The following ZHX2 variants were observed in gnomAD, a reference collection of about 807,000 sequenced individuals.
ZHX2 encodes zinc fingers and homeoboxes 2.
In ZHX2, 6 loss-of-function variants were observed where a neutral mutation model predicts 21.9. The ratio of observed to expected loss-of-function variants is 0.27; its 90% CI spans 0.15 to 0.54. The LOEUF (loss-of-function observed/expected upper bound fraction) is 0.54. ZHX2 is among the 20% of genes least tolerant of loss of function. ZHX2 has a pLI of 0.95. For synonymous variants in ZHX2, 434 were observed against 437.1 expected, an observed-to-expected ratio of 0.99 and a Z score of 0.09; for missense variants, 908 against 1,090.7, an observed-to-expected ratio of 0.83 and a Z score of 2.36.
At chr8:122,875,620 T>C (rs1441490685) in intron 2 of ZHX2, among the ~76,000 whole-genome samples, 1 of 152,216 alleles carries the variant, frequency 6.6e-6, no homozygotes, top group Non-Finnish European at 1.5e-5. Context: ...ACGTGGTAGT[T>C]GGAATTTACT....
At chr8:122,819,767 C>T (rs1338315233) in intron 1 of ZHX2, among the ~76,000 whole-genome samples, 1 of 152,260 alleles carries the variant, frequency 6.6e-6, no homozygotes, top group Non-Finnish European at 1.5e-5. Flanking sequence ...CAGGCCCTTC[C>T]TTTGCCTCCA....
intron 2 of ZHX2, among the ~76,000 whole-genome samples, chr8:122,879,972 CTTTTT>C (rs35351207): frequency 7.9e-6 from 1 of 126,404 alleles, no homozygotes; most frequent in Non-Finnish European, 1.6e-5. Flanking sequence ...CTATTGTTAC[CTTTTT>C]TTTTTTTTTT....
At chr8:122,927,066 C>T (rs1356173686) in intron 2 of ZHX2, among the ~76,000 whole-genome samples, 1 of 152,186 alleles carries the variant, frequency 6.6e-6, no homozygotes, top group Non-Finnish European at 1.5e-5. Flanking sequence ...GACCACAATG[C>T]TGCCCATCAC....
chr8:122,911,819 C>T (rs1349195645), intron 2 of ZHX2, among the ~76,000 whole-genome samples: 1 of 152,094 alleles, frequency 6.6e-6, no homozygotes, highest in Non-Finnish European at 1.5e-5. Flanking sequence ...AGCAGGCTTC[C>T]ATGAAGATGG....
chr8:122,857,977 C>A (rs530162655), intron 1 of ZHX2, among the ~76,000 whole-genome samples: 46 of 152,258 alleles, frequency 3.0e-4, no homozygotes, highest in Admixed American at 5.2e-4. Flanking sequence ...CCAGCATTTT[C>A]TGCCCTTCTG....
chr8:122,937,997 G>A (rs1287695051), intron 2 of ZHX2, among the ~76,000 whole-genome samples: 10 of 138,134 alleles, frequency 7.2e-5, no homozygotes, highest in African/African-American at 2.5e-4. Flanking sequence ...GTGCAGTGGC[G>A]AGATCCCGGC....
chr8:122,847,597 A>G (rs998245173), intron 1 of ZHX2, among the ~76,000 whole-genome samples: 2 of 152,236 alleles, frequency 1.3e-5, no homozygotes, highest in Admixed American at 1.3e-4. Flanking sequence ...GACACACTGT[A>G]CAGCTGGCTT....
intron 1 of ZHX2, among the ~76,000 whole-genome samples, chr8:122,805,431 G>T (rs965219678): frequency 6.6e-5 from 10 of 152,186 alleles, no homozygotes; most frequent in Admixed American, 2.6e-4. Flanking sequence ...CCCCACCCCA[G>T]CAAGGAAACA....
rs10110188 is a variant in ZHX2 at position 122,831,142 on chromosome 8, C to T, written c.-282-32335C>T. Among the ~76,000 whole-genome samples, 828 of 152,234 alleles carry T rather than the reference C, an allele frequency of 5.4e-3. 5 individuals carry two copies. Among genetic ancestry groups the T allele is most frequent in the African/African-American group, 0.019 (785 of 41,534 alleles). On this transcript the variant is annotated intron_variant, in intron 1 of 3. Transcript: ENST00000314393. ...CAATATTTGCAGCTTCTGAAGTTGT[C>T]GGGAATGCTTCTACTTATCTGGAGA...
Position 122,951,540 on chromosome 8 carries a change from A to C in ZHX2, c.30A>C (p.Pro10=). The C allele has an allele frequency of 1.2e-6, 2 of 1,613,478 alleles. No homozygotes were observed. Among genetic ancestry groups the C allele is most frequent in the Non-Finnish European group, 1.7e-6 (2 of 1,179,808 alleles). The change falls in exon 3 of 4, where the codon CCA becomes CCC. Residue 10 remains proline (P), a synonymous_variant. Coordinates refer to ENST00000314393, the MANE Select transcript of ZHX2 (RefSeq NM_014943.5). The stretch of plus-strand genomic sequence containing the variant: ...CTAGCAAACGAAAATCTACAACTCC[A>C]TGCATGGTTCGGACATCACAAGTAG... MASKRKSTT[P]CMVRTSQVVE...
At chr8:122,793,423 G>A (rs1817558229) in intron 1 of ZHX2, among the ~76,000 whole-genome samples, 1 of 152,170 alleles carries the variant, frequency 6.6e-6, no homozygotes, top group South Asian at 2.1e-4. Context: ...GTTCTTCTCT[G>A]GGCTGTAGAC....
chr8:122,882,491 G>C (rs1016126441), intron 2 of ZHX2, among the ~76,000 whole-genome samples: 2 of 151,868 alleles, frequency 1.3e-5, no homozygotes, highest in Admixed American at 1.3e-4. Context: ...CCCCAAATTG[G>C]ACAATAACGA....
chr8:122,959,163 C>T (rs1045892877), intron 3 of ZHX2, among the ~76,000 whole-genome samples: 4 of 152,216 alleles, frequency 2.6e-5, no homozygotes, highest in African/African-American at 7.2e-5. Flanking sequence ...CCACCACCTT[C>T]GCTGCCTCCT....
intron 3 of ZHX2, among the ~76,000 whole-genome samples, chr8:122,964,524 T>A (rs1813531311): frequency 6.6e-6 from 1 of 152,214 alleles, no homozygotes; most frequent in Admixed American, 6.5e-5. Flanking sequence ...CTCTTTGGTA[T>A]GCTTTTGAAT....
intron 2 of ZHX2, among the ~76,000 whole-genome samples, chr8:122,900,417 A>C (rs1820200795): frequency 6.6e-6 from 1 of 152,188 alleles, no homozygotes; most frequent in Non-Finnish European, 1.5e-5. Context: ...CTCGCCCACG[A>C]GGGAGGACAT....
intron 2 of ZHX2, among the ~76,000 whole-genome samples, chr8:122,941,730 A>G (rs895081044): frequency 2.0e-5 from 3 of 152,158 alleles, no homozygotes; most frequent in Admixed American, 6.5e-5. Flanking sequence ...TTTCAGCCCA[A>G]CCAGTTCTGA....
chr8:122,816,907 G>T (rs772248862), intron 1 of ZHX2, among the ~76,000 whole-genome samples: 2 of 152,150 alleles, frequency 1.3e-5, no homozygotes, highest in South Asian at 4.1e-4. Flanking sequence ...ACAATTCAGG[G>T]TGTATGTTTG....
intron 2 of ZHX2, among the ~76,000 whole-genome samples, chr8:122,913,560 G>A (rs1452036046): frequency 6.6e-6 from 1 of 152,208 alleles, no homozygotes; most frequent in African/African-American, 2.4e-5. Context: ...CTCTCCCTCT[G>A]AGGCCTGTGG....
chr8:122,881,848 A>G (rs1819720951), intron 2 of ZHX2, among the ~76,000 whole-genome samples: 1 of 151,848 alleles, frequency 6.6e-6, no homozygotes, highest in South Asian at 2.1e-4. Context: ...CCACTGCGCG[A>G]CTCTCACTAT....
Sources: gnomAD v4.1 joint callset for allele counts (sites outside exome capture counted in the v4.1 genomes callset) on GRCh38, gnomAD v4.1.1 for gene constraint, MANE v1.5 for transcripts, NCBI Gene and HGNC (gene_info 2026-07-23, HGNC 2026-07-21) for gene names.